The following WDTC1 variants were observed in gnomAD, a reference collection of about 807,000 sequenced individuals.
The protein encoded by WDTC1 is WD and tetratricopeptide repeats protein 1.
A neutral mutation model predicts 76.0 loss-of-function variants in WDTC1; 12 were observed. The ratio of observed to expected loss-of-function variants is 0.16; its 90% CI spans 0.10 to 0.26. WDTC1 has a LOEUF of 0.26. Ranked by LOEUF, WDTC1 falls within the 10% of genes least tolerant of loss-of-function variation. The pLI, the probability that WDTC1 is intolerant of heterozygous loss-of-function variation, is 1.00. For missense variants in WDTC1, 511 were observed against 908.8 expected (o/e 0.56, Z 5.63); for synonymous variants, 326 against 350.8 (o/e 0.93, Z 0.79).
intron 6 of WDTC1, among the ~76,000 whole-genome samples, chr1:27,289,001 T>G: frequency 7.9e-6 from 1 of 127,268 alleles, no homozygotes; most frequent in Non-Finnish European, 1.6e-5. Context: ...CCCACCTCCC[T>G]CCCGGACGGG....
intron 1 of WDTC1, among the ~76,000 whole-genome samples, chr1:27,243,156 A>G (rs999331506): frequency 3.3e-5 from 5 of 152,036 alleles, no homozygotes; most frequent in South Asian, 2.1e-4. Flanking sequence ...AATTGTATCA[A>G]TACTGATATT....
chr1:27,238,329 T>C (rs1375769258), intron 1 of WDTC1, among the ~76,000 whole-genome samples: 2 of 152,176 alleles, frequency 1.3e-5, no homozygotes, highest in Non-Finnish European at 2.9e-5. Flanking sequence ...TCTGTGATTC[T>C]AGAAGGCATC....
chr1:27,298,840 G>A (rs970280640), intron 12 of WDTC1, among the ~76,000 whole-genome samples: 6 of 150,920 alleles, frequency 4.0e-5, no homozygotes, highest in African/African-American at 1.2e-4. Flanking sequence ...GGCATCCGTC[G>A]GCTCTGCCCA....
chr1:27,269,671 G>A (rs925406715), intron 3 of WDTC1, among the ~76,000 whole-genome samples: 14 of 134,238 alleles, frequency 1.0e-4, no homozygotes, highest in Non-Finnish European at 2.0e-4. Flanking sequence ...CTGGAGTGCA[G>A]TGGCACAATC....
chr1:27,304,993 C>T lies in WDTC1; in HGVS notation c.1644-8C>T, dbSNP rs1211249516. 3 of 1,608,452 alleles carry T rather than the reference C, an allele frequency of 1.9e-6. No homozygotes were observed. The highest frequency in any genetic ancestry group is 1.7e-5 in the Admixed American group (1 of 59,796). On this transcript the variant is annotated splice_polypyrimidine_tract_variant and splice_region_variant and intron_variant, in intron 14 of 15. Transcript: ENST00000319394. Reference sequence around the variant, plus strand: ...ACCTGACCTCCCTGCCCTTTGCCCCCCCGCCAGCAACGCTCAGTATATCGT... The same window carrying T: ...ACCTGACCTCCCTGCCCTTTGCCCCTCCGCCAGCAACGCTCAGTATATCGT...
intron 5 of WDTC1, 140 bp from the exon 6 acceptor site, chr1:27,287,534 G>T: frequency 1.1e-6 from 1 of 930,318 alleles, no homozygotes. Context: ...TTACAGGCAT[G>T]AGCCACCGCG....
intron 3 of WDTC1, among the ~76,000 whole-genome samples, chr1:27,275,975 T>C (rs1180745787): frequency 6.6e-6 from 1 of 152,216 alleles, no homozygotes; most frequent in African/African-American, 2.4e-5. Context: ...TCTGAACATT[T>C]CACGTAAATG....
chr1:27,284,765 T>TAA (rs879648311), intron 5 of WDTC1, among the ~76,000 whole-genome samples: 2 of 146,264 alleles, frequency 1.4e-5, no homozygotes, highest in Non-Finnish European at 1.5e-5. Context: ...CCTCTTCTAT[T>TAA]TAAAAAAAAA....
intron 10 of WDTC1, among the ~76,000 whole-genome samples, 178 bp downstream of exon 10, chr1:27,296,579 C>T (rs1287200634): frequency 6.6e-6 from 1 of 152,208 alleles, no homozygotes; most frequent in Non-Finnish European, 1.5e-5. Flanking sequence ...GAGATCTCTT[C>T]AAGAGCTTTG....
intron 6 of WDTC1, among the ~76,000 whole-genome samples, chr1:27,290,044 C>T (rs992105422): frequency 3.7e-5 from 5 of 135,562 alleles, no homozygotes; most frequent in Non-Finnish European, 7.9e-5. Flanking sequence ...AGAGGGAGAC[C>T]GTGGGGAGGG....
Position 27,306,467 on chromosome 1 carries a change from G to A in WDTC1, c.*84G>A, listed in dbSNP as rs1157700670. On this transcript the variant is annotated 3_prime_UTR_variant, in exon 16 of 16. Transcript: ENST00000319394. This position sits in a 1 kb window ranked among gnomAD's most constrained non-coding sequence, Gnocchi z 5.0. ...AGGTCAGGGGATTCTGTTTTGGTTT[G>A]TCTTCCCCACCACCCTTTTTTTTCA... The A allele has an allele frequency of 6.8e-7, 1 of 1,463,280 alleles. No homozygotes were observed. The highest frequency in any genetic ancestry group is 9.1e-7 in the Non-Finnish European group (1 of 1,096,764). 90.6% of individuals were successfully genotyped at this position (1,463,280 alleles called of 1,614,324 possible).
chr1:27,284,053 T>A (rs1238668803), intron 5 of WDTC1, among the ~76,000 whole-genome samples: 7 of 152,202 alleles, frequency 4.6e-5, no homozygotes, highest in Admixed American at 4.6e-4. Context: ...ACAAGTGTCT[T>A]CAGACCTTTG....
At chr1:27,259,599 T>A (rs1369407549) in intron 1 of WDTC1, among the ~76,000 whole-genome samples, 2 of 152,276 alleles carry the variant, frequency 1.3e-5, no homozygotes, top group Admixed American at 6.5e-5. Flanking sequence ...TAGTTGGGAC[T>A]ACAGGTGCAC....
chr1:27,258,529 C>CAAAAAAAAAAAAA (rs113977595), intron 1 of WDTC1, among the ~76,000 whole-genome samples: 3 of 122,014 alleles, frequency 2.5e-5, no homozygotes, highest in East Asian at 2.3e-4. Context: ...AAGACTCTGC[C>CAAAAAAAAAAAAA]AAAAAAAAAA....
intron 1 of WDTC1, among the ~76,000 whole-genome samples, chr1:27,236,609 T>TG (rs2011495199): frequency 6.6e-6 from 1 of 152,170 alleles, no homozygotes; most frequent in Non-Finnish European, 1.5e-5. Context: ...ATTTACCAGT[T>TG]TCATACAATT....
In WDTC1 at chr1:27,287,748, A is replaced by G. The variant is rs759252705; in HGVS notation, c.366A>G (p.Thr122=). Reference sequence around the variant, plus strand: ...CTAAGGTGCATGTGCACGACCTGACAGTAAAGGAGACCATCCACATGTTTG... The same window carrying G: ...CTAAGGTGCATGTGCACGACCTGACGGTAAAGGAGACCATCCACATGTTTG... ...ADSKVHVHDL[T]VKETIHMFGD... Residue 122 remains threonine, a synonymous_variant, in exon 6 of 16, where the codon ACA becomes ACG. Coordinates refer to ENST00000319394, the MANE Select transcript of WDTC1 (RefSeq NM_001276252.2). 6.2e-7 allele frequency: 1 copy of G among 1,614,134 alleles called. No homozygotes were observed. The highest frequency in any genetic ancestry group is 8.5e-7 in the Non-Finnish European group (1 of 1,180,000).
chr1:27,238,540 C>T (rs1180863447), intron 1 of WDTC1, among the ~76,000 whole-genome samples: 2 of 151,984 alleles, frequency 1.3e-5, no homozygotes, highest in African/African-American at 4.8e-5. Flanking sequence ...AGTGCAGTGG[C>T]ATGATCTCAG....
intron 1 of WDTC1, among the ~76,000 whole-genome samples, chr1:27,258,637 G>A (rs770826475): frequency 1.6e-4 from 24 of 152,104 alleles, no homozygotes; most frequent in Non-Finnish European, 1.8e-4. Context: ...CAAAGAACTC[G>A]GACTGAATGA....
At chr1:27,258,636 C>T (rs968616002) in intron 1 of WDTC1, among the ~76,000 whole-genome samples, 2 of 152,036 alleles carry the variant, frequency 1.3e-5, no homozygotes, top group Admixed American at 6.6e-5. Context: ...CCAAAGAACT[C>T]GGACTGAATG....
Sources: gnomAD v4.1 joint callset for allele counts (sites outside exome capture counted in the v4.1 genomes callset) on GRCh38, gnomAD v4.1.1 for gene constraint, Gnocchi (gnomAD v3.1) non-coding constraint, MANE v1.5 for transcripts, NCBI Gene and HGNC (gene_info 2026-07-23, HGNC 2026-07-21) for gene names.